Variants in TBC1D15 observed in about 807,000 individuals in gnomAD.
TBC1D15 encodes the protein TBC1 domain family member 15.
A neutral mutation model predicts 95.4 loss-of-function variants in TBC1D15; 39 were observed. The observed-to-expected ratio is 0.41, with a 90% confidence interval of 0.32 to 0.53. TBC1D15 has a LOEUF of 0.53. TBC1D15 is among the 20% of genes least tolerant of loss of function. The pLI is 0.29. For missense variants in TBC1D15, 733 were observed against 794.3 expected, an observed-to-expected ratio of 0.92 and a Z score of 0.93; for synonymous variants, 258 against 261.3, an observed-to-expected ratio of 0.99 and a Z score of 0.12.
chr12:71,847,406 T>C (rs1260599352), intron 1 of TBC1D15, among the ~76,000 whole-genome samples: 1 of 152,034 alleles, frequency 6.6e-6, no homozygotes, highest in African/African-American at 2.4e-5. Context: ...TTCCAAATAA[T>C]ATCCATTGGG....
intron 5 of TBC1D15, 37 bp downstream of exon 5, chr12:71,885,058 A>T (rs370759750): frequency 6.3e-7 from 1 of 1,597,910 alleles, no homozygotes. Context: ...TTGAAACCAG[A>T]TCATTGTATT....
At chr12:71,853,869 CAA>C (rs965058914) in intron 1 of TBC1D15, among the ~76,000 whole-genome samples, 1 of 152,190 alleles carries the variant, frequency 6.6e-6, no homozygotes, top group Admixed American at 6.5e-5. Context: ...CTGACTGGTG[CAA>C]ACAGTTATGT....
chr12:71,914,653 G>GT (rs1903245993), intron 12 of TBC1D15, among the ~76,000 whole-genome samples: 1 of 151,920 alleles, frequency 6.6e-6, no homozygotes, highest in African/African-American at 2.4e-5. Flanking sequence ...AGGTTGCTGT[G>GT]TTTTTTCAAA....
At chr12:71,850,127 A>C (rs1044871611) in intron 1 of TBC1D15, 9 of 528,856 alleles carry the variant, frequency 1.7e-5, no homozygotes, top group African/African-American at 1.6e-4. Flanking sequence ...TCAGCTTTCA[A>C]ATACTCCATT....
intron 3 of TBC1D15, among the ~76,000 whole-genome samples, chr12:71,879,634 G>A (rs1894731930): frequency 6.6e-6 from 1 of 151,942 alleles, no homozygotes; most frequent in African/African-American, 2.4e-5. Flanking sequence ...AATTGAATGG[G>A]GCAAAAAATA....
At chr12:71,875,092 C>T (rs1445510688) in intron 3 of TBC1D15, among the ~76,000 whole-genome samples, 2 of 152,086 alleles carry the variant, frequency 1.3e-5, no homozygotes, top group African/African-American at 2.4e-5. Context: ...GCGCATGCCA[C>T]CATGCCCGGC....
chr12:71,913,649 T>C (rs1471550173), intron 11 of TBC1D15, 177 bp from the exon 12 acceptor site: 3 of 513,556 alleles, frequency 5.8e-6, no homozygotes, highest in Non-Finnish European at 1.0e-5. Context: ...TTCTTACTTA[T>C]GACTAGAGTT....
chr12:71,905,328 A>C (rs1216855323), intron 10 of TBC1D15, among the ~76,000 whole-genome samples: 2 of 152,068 alleles, frequency 1.3e-5, no homozygotes, highest in East Asian at 3.9e-4. Context: ...AAGCAGTTTG[A>C]CTTTTTTTTC....
Position 71,918,036 on chromosome 12 carries a change from T to G in TBC1D15, c.1501+239T>G, listed in dbSNP as rs1592835141. ...TGGCTGTGGTGATGCATGCCTGTAG[T>G]CCCAGCCACTCAAGAGGCTGAGGTG... On this transcript the variant is annotated intron_variant, in intron 13 of 16. Coordinates refer to ENST00000485960, the MANE Select transcript of TBC1D15 (RefSeq NM_001146213.3). Among the ~76,000 whole-genome samples, 3 of 152,014 alleles carry G rather than the reference T, an allele frequency of 2.0e-5. No individual in the cohort carries two copies. The South Asian group carries it at 6.2e-4, about 31-fold the overall frequency.
intron 4 of TBC1D15, among the ~76,000 whole-genome samples, chr12:71,881,483 G>A (rs929991059): frequency 3.9e-5 from 6 of 152,122 alleles, no homozygotes; most frequent in Non-Finnish European, 7.4e-5. Flanking sequence ...TATAGCCTGG[G>A]CATCTGTGCA....
chr12:71,902,637 C>T (rs1455566186), intron 10 of TBC1D15, among the ~76,000 whole-genome samples: 1 of 152,068 alleles, frequency 6.6e-6, no homozygotes, highest in East Asian at 1.9e-4. Context: ...AGAAGAAAAT[C>T]TAGGAAATAC....
At chr12:71,911,786 TAAAAATAAA>T (rs1372863054) in intron 11 of TBC1D15, among the ~76,000 whole-genome samples, 4 of 144,886 alleles carry the variant, frequency 2.8e-5, no homozygotes, top group Non-Finnish European at 6.1e-5. Context: ...AAAAAAACTG[TAAAAATAAA>T]AAAAATAAAA....
intron 14 of TBC1D15, among the ~76,000 whole-genome samples, chr12:71,920,479 A>G (rs1406335032): frequency 6.6e-6 from 1 of 152,094 alleles, no homozygotes; most frequent in Middle Eastern, 3.2e-3. Flanking sequence ...AGGCTCAGTA[A>G]TTTACTTACT....
At position 71,896,670 on chromosome 12, in the gene TBC1D15, T is replaced by C; in HGVS notation, c.985-7T>C. The C allele has an allele frequency of 6.2e-7, 1 of 1,607,816 alleles. No individual in the cohort carries two copies. Among genetic ancestry groups the C allele is most frequent in the Non-Finnish European group, 8.5e-7 (1 of 1,176,918 alleles). ...ATTCATGTATTTAATATGTATGCTTTCTTCAGGGACTTAGTCATGCATTGA... is the reference window on the plus strand; with the variant it reads ...ATTCATGTATTTAATATGTATGCTTCCTTCAGGGACTTAGTCATGCATTGA... On this transcript the variant is annotated splice_region_variant and splice_polypyrimidine_tract_variant and intron_variant, in intron 8 of 16. Coordinates refer to ENST00000485960, the MANE Select transcript of TBC1D15 (RefSeq NM_001146213.3).
rs769764966 is a variant in TBC1D15 at position 71,897,853 on chromosome 12, A to G, written c.1095A>G (p.Glu365=). The G allele has an allele frequency of 3.0e-5, 49 of 1,611,540 alleles. No homozygotes were observed. The highest frequency in any genetic ancestry group is 4.1e-5 in the Non-Finnish European group (48 of 1,178,252). The change falls in exon 10 of 17, where the codon GAA becomes GAG. Residue 365 remains glutamate (E), a synonymous_variant. Coordinates refer to ENST00000485960, the MANE Select transcript of TBC1D15 (RefSeq NM_001146213.3). The part of the protein sequence containing the change: ...RTQLQKQKTD[E]YFRMKLQWKS... ...GTCAAATTGTTTTCTATAGTGATGA[A>G]TACTTCAGAATGAAACTGCAGTGGA...
chr12:71,882,359 C>G (rs1895372153), intron 4 of TBC1D15, among the ~76,000 whole-genome samples: 1 of 152,112 alleles, frequency 6.6e-6, no homozygotes, highest in Admixed American at 6.6e-5. Context: ...GAGATCCATC[C>G]AAATAAAATT....
rs776469146 is a variant in TBC1D15 at position 71,897,842 on chromosome 12, T to C, written c.1089-5T>C. The C allele has an allele frequency of 1.1e-5, 18 of 1,608,938 alleles. No individual in the cohort carries two copies. In the East Asian group the frequency reaches 3.8e-4, roughly 34 times the overall value. On this transcript the variant is annotated splice_region_variant and splice_polypyrimidine_tract_variant and intron_variant, in intron 9 of 16. Transcript: ENST00000485960. ...CTTTCTTTGATGTCAAATTGTTTTC[T>C]ATAGTGATGAATACTTCAGAATGAA...
chr12:71,867,496 T>G (rs557185450), intron 1 of TBC1D15, among the ~76,000 whole-genome samples: 1 of 152,186 alleles, frequency 6.6e-6, no homozygotes, highest in African/African-American at 2.4e-5. Context: ...TTAAGTGAGA[T>G]CAGGGTACTT....
chr12:71,849,673 C>CT (rs1159645636), intron 1 of TBC1D15: 10 of 558,694 alleles, frequency 1.8e-5, no homozygotes, highest in East Asian at 8.0e-5. Flanking sequence ...ATCAGCAACT[C>CT]TATCTCCTCT....
Sources: allele counts gnomAD v4.1 joint callset (sites outside exome capture counted in the v4.1 genomes callset), GRCh38; gene constraint gnomAD v4.1.1; transcripts MANE v1.5; gene names NCBI Gene and HGNC (gene_info 2026-07-23, HGNC 2026-07-21).